Variants in MSRA observed in about 807,000 individuals in gnomAD.
MSRA encodes the protein methionine sulfoxide reductase A.
MSRA carries 54 observed loss-of-function variants against 31.3 expected under a neutral mutation model. The observed-to-expected ratio is 1.73, with a 90% confidence interval of 1.39 to 2.17. MSRA has a LOEUF of 2.17. MSRA is among the 30% of genes most tolerant of loss of function. The pLI is 0.00. For synonymous variants in MSRA, 169 were observed against 116.5 expected (o/e 1.45, Z -2.90); for missense variants, 507 against 300.9 (o/e 1.69, Z -5.07).
rs149792460 is a variant in MSRA, at chr8:10,397,577, T to A, written c.544-30571T>A. The stretch of plus-strand genomic sequence containing the variant: ...TCTTTGGAGGGCAGGGGCCACATCT[T>A]TCATTGGTCTTCATCCACGACGGTA... On this transcript the variant is annotated intron_variant, in intron 5 of 5. Coordinates refer to ENST00000317173, the MANE Select transcript of MSRA (RefSeq NM_012331.5). Among the ~76,000 whole-genome samples the A allele has an allele frequency of 6.5e-4, 99 of 152,342 alleles. 1 individual carries two copies. Among genetic ancestry groups the A allele is most frequent in the Admixed American group, 1.8e-3 (28 of 15,300 alleles).
intron 1 of MSRA, among the ~76,000 whole-genome samples, chr8:10,191,381 C>G (rs947115660): frequency 1.3e-5 from 2 of 152,150 alleles, no homozygotes; most frequent in East Asian, 3.9e-4. Flanking sequence ...TTTAGCCTCC[C>G]TGGGAATTTT....
At chr8:10,180,910 G>A (rs1563189017) in intron 1 of MSRA, among the ~76,000 whole-genome samples, 1 of 152,146 alleles carries the variant, frequency 6.6e-6, no homozygotes, top group African/African-American at 2.4e-5. Flanking sequence ...TTTTGAAATT[G>A]GAAAATTCTG....
intron 5 of MSRA, among the ~76,000 whole-genome samples, chr8:10,329,294 C>A (rs1007548528): frequency 6.6e-6 from 1 of 152,150 alleles, no homozygotes; most frequent in Admixed American, 6.5e-5. Context: ...GGGCTCTGCT[C>A]CCCCAGGGGC....
intron 1 of MSRA, among the ~76,000 whole-genome samples, chr8:10,071,933 A>C (rs1296358309): frequency 6.6e-6 from 1 of 152,196 alleles, no homozygotes; most frequent in Admixed American, 6.5e-5. Flanking sequence ...AGACAGAGCA[A>C]GATCAGTTTC....
intron 5 of MSRA, among the ~76,000 whole-genome samples, chr8:10,408,089 A>G (rs1243383565): frequency 6.6e-6 from 1 of 152,204 alleles, no homozygotes; most frequent in Non-Finnish European, 1.5e-5. Context: ...CACTAGCAGG[A>G]AAACTGTGTC....
chr8:10,187,786 C>G (rs960961088), intron 1 of MSRA, among the ~76,000 whole-genome samples: 1 of 152,186 alleles, frequency 6.6e-6, no homozygotes, highest in Non-Finnish European at 1.5e-5. Flanking sequence ...GAATTGTACT[C>G]TGGATATTTC....
chr8:10,092,878 GTATGTT>G (rs1225672897), intron 1 of MSRA, among the ~76,000 whole-genome samples: 1 of 152,108 alleles, frequency 6.6e-6, no homozygotes, highest in African/African-American at 2.4e-5. Context: ...CTGTTCTTAT[GTATGTT>G]TATATTGGTT....
chr8:10,254,039 G>A (rs1032956574), intron 3 of MSRA, among the ~76,000 whole-genome samples: 7 of 152,152 alleles, frequency 4.6e-5, no homozygotes, highest in African/African-American at 1.4e-4. Context: ...CCGATCTGCC[G>A]GGGACTCCTC....
chr8:10,319,877 T>C lies in MSRA; in HGVS notation c.437-6T>C. The C allele has an allele frequency of 6.6e-7, 1 of 1,516,140 alleles. No homozygotes were observed. Among genetic ancestry groups the C allele is most frequent in the Non-Finnish European group, 8.9e-7 (1 of 1,126,974 alleles). The allele number at this position is 1,516,140 out of a possible 1,614,324, so 93.9% of individuals were successfully genotyped here. ...GGGTAACCCTCCCTGTTTTCTGCTT[T>C]CCTAGGTATGCGCCAGGGGAACGAC... On this transcript the variant is annotated splice_polypyrimidine_tract_variant and splice_region_variant and intron_variant, in intron 4 of 5. Transcript: ENST00000317173.
At chr8:10,359,208 C>A (rs544163106) in intron 5 of MSRA, among the ~76,000 whole-genome samples, 1 of 152,156 alleles carries the variant, frequency 6.6e-6, no homozygotes, top group South Asian at 2.1e-4. Flanking sequence ...GGAGCAGACT[C>A]CTCTTCTCCA....
intron 5 of MSRA, among the ~76,000 whole-genome samples, chr8:10,392,964 A>G (rs1806853396): frequency 7.0e-6 from 1 of 143,750 alleles, no homozygotes; most frequent in Admixed American, 7.1e-5. Context: ...CGGCAGGCTG[A>G]GGCAGGAGAA....
chr8:10,373,797 A>C (rs1470212756), intron 5 of MSRA, among the ~76,000 whole-genome samples: 1 of 152,230 alleles, frequency 6.6e-6, no homozygotes, highest in Admixed American at 6.5e-5. Flanking sequence ...AGCCCAGCAG[A>C]GGAGCTTAGA....
chr8:10,254,498 A>G (rs1012440710), intron 3 of MSRA, among the ~76,000 whole-genome samples: 2 of 152,218 alleles, frequency 1.3e-5, no homozygotes, highest in Non-Finnish European at 1.5e-5. Flanking sequence ...AATGTTCTCA[A>G]TGGGTATTAC....
chr8:10,185,834 C>T (rs1305983540), intron 1 of MSRA, among the ~76,000 whole-genome samples: 2 of 152,150 alleles, frequency 1.3e-5, no homozygotes, highest in Non-Finnish European at 2.9e-5. Context: ...CAAGTGCTTT[C>T]GTGTGAATCA....
chr8:10,061,433 CCTT>C (rs1427925987), intron 1 of MSRA, among the ~76,000 whole-genome samples: 2 of 152,162 alleles, frequency 1.3e-5, no homozygotes, highest in African/African-American at 2.4e-5. Flanking sequence ...TAAGTGATCT[CCTT>C]CTTCTCTACT....
At chr8:10,329,655 G>T (rs191307833) in intron 5 of MSRA, among the ~76,000 whole-genome samples, 7 of 152,148 alleles carry the variant, frequency 4.6e-5, no homozygotes, top group African/African-American at 1.7e-4. Context: ...CAACCTGCCA[G>T]TGTCATGTGT....
At chr8:10,226,607 G>A (rs919044053) in intron 2 of MSRA, among the ~76,000 whole-genome samples, 1 of 152,218 alleles carries the variant, frequency 6.6e-6, no homozygotes, top group East Asian at 1.9e-4. Context: ...AGAAAAGTCA[G>A]TGCCCATGAA....
At chr8:10,378,216 A>C (rs1000844703) in intron 5 of MSRA, among the ~76,000 whole-genome samples, 1 of 152,120 alleles carries the variant, frequency 6.6e-6, no homozygotes, top group Non-Finnish European at 1.5e-5. Flanking sequence ...GGGCCTTGAC[A>C]CAGAAAGCTG....
intron 1 of MSRA, among the ~76,000 whole-genome samples, chr8:10,118,961 G>A (rs10104651): frequency 0.054 from 8,156 of 152,168 alleles, 724 homozygotes; most frequent in African/African-American, 0.18. Context: ...GGGCTGGTCT[G>A]GTCCCCTCCA....
Sources: gnomAD v4.1 joint callset for allele counts (sites outside exome capture counted in the v4.1 genomes callset) on GRCh38, gnomAD v4.1.1 for gene constraint, MANE v1.5 for transcripts, NCBI Gene and HGNC (gene_info 2026-07-23, HGNC 2026-07-21) for gene names.